Variants in MAP3K4 observed in about 807,000 individuals in gnomAD.
MAP3K4 encodes the protein mitogen-activated protein kinase kinase kinase 4, also known as MAP three kinase 1.
A neutral mutation model predicts 185.6 loss-of-function variants in MAP3K4; 67 were observed. The observed-to-expected ratio is 0.36, with a 90% CI of 0.30 to 0.44. The LOEUF (loss-of-function observed/expected upper bound fraction) is 0.44, where lower values mean the gene tolerates loss of function less well. MAP3K4 is among the 20% of genes least tolerant of loss of function. MAP3K4 has a pLI of 1.00. For synonymous variants in MAP3K4, 702 were observed against 710.4 expected (o/e 0.99, Z 0.19); for missense variants, 1,551 against 1,995.1 (o/e 0.78, Z 4.24).
rs779114335 is a variant in MAP3K4 at position 161,087,814 on chromosome 6, G to A, written c.2683G>A (p.Val895Ile). Residue 895 changes from valine to isoleucine, a missense_variant, in exon 10 of 27, where the codon GTA (valine) becomes ATA (isoleucine). Val to Ile is a conservative substitution (Grantham distance 29). Transcript: ENST00000392142. This position sits in a 1 kb window ranked among gnomAD's most constrained non-coding sequence, Gnocchi z 4.9. ...GKDCSKDSDD[V>I]LIDAYLLLTK... Reference sequence around the variant, plus strand: ...GGACTGTTCAAAAGATTCAGATGACGTACTCATCGATGCCTATCTGCTTCT... The same window carrying A: ...GGACTGTTCAAAAGATTCAGATGACATACTCATCGATGCCTATCTGCTTCT... 96 of 1,614,012 alleles carry A rather than the reference G, an allele frequency of 5.9e-5. No homozygotes were observed. Among genetic ancestry groups the A allele is most frequent in the African/African-American group, 8.0e-5 (6 of 74,908 alleles).
At position 161,101,351 on chromosome 6, in the gene MAP3K4, T is replaced by C. The variant is rs1777831724; in HGVS notation, c.3675-541T>C. On this transcript the variant is annotated intron_variant, in intron 17 of 26. Coordinates refer to ENST00000392142, the MANE Select transcript of MAP3K4 (RefSeq NM_005922.4). The surrounding 1 kb of genome is among the most constrained non-coding windows in gnomAD (Gnocchi z 5.1). ...TCTTACTGAGAGATTTGGAATCTTT[T>C]GGACCATGAAATGATTTTAGTACTT... 1 of 152,204 alleles carries C rather than the reference T, an allele frequency of 6.6e-6. No homozygotes were observed. The highest frequency in any genetic ancestry group is 1.5e-5 in the Non-Finnish European group (1 of 68,038). 9.4% of individuals were successfully genotyped at this position (152,204 alleles called of 1,614,324 possible).
rs1785606003 is a variant in MAP3K4, at chr6:161,084,566, G to C, written c.2321G>C (p.Cys774Ser). The change falls in exon 7 of 27, where the codon TGT becomes TCT. Residue 774 changes from cysteine (C) to serine (S), a missense_variant. Coordinates refer to ENST00000392142, the MANE Select transcript of MAP3K4 (RefSeq NM_005922.4). The surrounding 1 kb of genome is among the most constrained non-coding windows in gnomAD (Gnocchi z 4.6). ...TTAGAATTTGGCTTACAGGAGAGCT[G>C]TGCTGAATTTTGGACTAGTGCGGAT... is the stretch of plus-strand genomic sequence containing the variant. ...SFLEFGLQES[C>S]AEFWTSADDS... 6.2e-7 allele frequency: 1 copy of C among 1,613,382 alleles called. No homozygotes were observed. The highest frequency in any genetic ancestry group is 8.5e-7 in the Non-Finnish European group (1 of 1,179,338).
At chr6:161,024,733 T>C (rs1782561458) in intron 1 of MAP3K4, among the ~76,000 whole-genome samples, 1 of 152,216 alleles carries the variant, frequency 6.6e-6, no homozygotes, top group African/African-American at 2.4e-5. Flanking sequence ...CAACATGGCT[T>C]ACCACTGATA....
chr6:161,106,790 G>C lies in MAP3K4; in HGVS notation c.4048+85G>C. On this transcript the variant is annotated intron_variant, in intron 20 of 26. Coordinates refer to ENST00000392142, the MANE Select transcript of MAP3K4 (RefSeq NM_005922.4). The surrounding 1 kb of genome is among the most constrained non-coding windows in gnomAD (Gnocchi z 4.9). ...ACTTCTTTAGGTTGAATCCTATAGA[G>C]TTGGCCCTTTTTTCTTGTAGACATA... 2 of 1,127,102 alleles carry C rather than the reference G, an allele frequency of 1.8e-6. No individual in the cohort carries two copies. The highest frequency in any genetic ancestry group is 2.4e-6 in the Non-Finnish European group (2 of 817,426). The allele number at this position is 1,127,102 out of a possible 1,614,324, so 69.8% of individuals were successfully genotyped here.
intron 13 of MAP3K4, 23 bp from the exon 14 acceptor site, chr6:161,092,955 T>G (rs767019723): frequency 1.3e-6 from 2 of 1,489,804 alleles, no homozygotes; most frequent in African/African-American, 2.8e-5. Flanking sequence ...GTTATGTGAT[T>G]ACTGAACTTT....
In MAP3K4 at chr6:161,080,347, C is replaced by T. The variant is rs918201380; in HGVS notation, c.2098-534C>T. Among the ~76,000 whole-genome samples, 3 of 152,154 alleles carry T rather than the reference C, an allele frequency of 2.0e-5. No individual in the cohort carries two copies. The highest frequency in any genetic ancestry group is 2.0e-4 in the Admixed American group (3 of 15,270). ...TAGGACTTGTGGTGGGCATAAATCCCACTTCAGAACAACTGGATATTTTGG... is the reference window on the plus strand; with the variant it reads ...TAGGACTTGTGGTGGGCATAAATCCTACTTCAGAACAACTGGATATTTTGG... On this transcript the variant is annotated intron_variant, in intron 5 of 26. Transcript: ENST00000392142. This position sits in a 1 kb window ranked among gnomAD's most constrained non-coding sequence, Gnocchi z 4.8.
chr6:161,027,305 T>C (rs917232888), intron 1 of MAP3K4, among the ~76,000 whole-genome samples: 1 of 152,254 alleles, frequency 6.6e-6, no homozygotes, highest in African/African-American at 2.4e-5. Flanking sequence ...CTTTACTTTT[T>C]AATTGTGATT....
chr6:160,993,735 T>TAA (rs11291500), intron 1 of MAP3K4, among the ~76,000 whole-genome samples: 85 of 148,252 alleles, frequency 5.7e-4, no homozygotes, highest in African/African-American at 1.5e-3. Context: ...GCTTCAGTGG[T>TAA]AAAAAAAAAA....
rs1784946376 is a variant in MAP3K4 at position 161,071,578 on chromosome 6, G to A, written c.1950+728G>A. 6.6e-6 allele frequency among the ~76,000 whole-genome samples: 1 copy of A among 152,156 alleles called. No individual in the cohort carries two copies. Among genetic ancestry groups the A allele is most frequent in the Non-Finnish European group, 1.5e-5 (1 of 68,028 alleles). ...CTGTGAATGGTAAGACAAAGCATAG[G>A]TGAGCAGTGCAGATTGAGGAAAGGC... is the stretch of plus-strand genomic sequence containing the variant. On this transcript the variant is annotated intron_variant, in intron 4 of 26. Transcript: ENST00000392142. This position sits in a 1 kb window ranked among gnomAD's most constrained non-coding sequence, Gnocchi z 4.6.
At chr6:160,993,704 T>C (rs1332185619) in intron 1 of MAP3K4, among the ~76,000 whole-genome samples, 1 of 149,698 alleles carries the variant, frequency 6.7e-6, no homozygotes, top group Non-Finnish European at 1.5e-5. Context: ...GAAATGAAAA[T>C]GTGCTGCAAA....
chr6:161,086,555 A>C lies in MAP3K4; in HGVS notation c.2473-29A>C, dbSNP rs1785722019. ...TCTTATTTTTTTAATGCTAACCGTA[A>C]AGAAGTTTCTTTGTAACTGTGATCC... On this transcript the variant is annotated intron_variant, in intron 8 of 26. Transcript: ENST00000392142. This position sits in a 1 kb window ranked among gnomAD's most constrained non-coding sequence, Gnocchi z 4.8. The C allele has an allele frequency of 6.2e-7, 1 of 1,608,222 alleles. No homozygotes were observed. Among genetic ancestry groups the C allele is most frequent in the Non-Finnish European group, 8.5e-7 (1 of 1,176,866 alleles).
Position 161,093,078 on chromosome 6 carries a change from T to A in MAP3K4, c.3348+22T>A. On this transcript the variant is annotated intron_variant, in intron 14 of 26. Transcript: ENST00000392142. The surrounding 1 kb of genome is among the most constrained non-coding windows in gnomAD (Gnocchi z 5.2). Reference sequence around the variant, plus strand: ...CTTGGTATGGATTATTCTAAAGTTTTTTTCATTATAAAATAAGCCAGTCAC... The same window carrying A: ...CTTGGTATGGATTATTCTAAAGTTTATTTCATTATAAAATAAGCCAGTCAC... 6.5e-7 allele frequency: 1 copy of A among 1,540,484 alleles called. No individual in the cohort carries two copies. The highest frequency in any genetic ancestry group is 8.9e-7 in the Non-Finnish European group (1 of 1,118,298).
rs771030778 is a variant in MAP3K4, at chr6:161,048,212, C to A, written c.344-404C>A. On this transcript the variant is annotated intron_variant, in intron 2 of 26. Coordinates refer to ENST00000392142, the MANE Select transcript of MAP3K4 (RefSeq NM_005922.4). This position sits in a 1 kb window ranked among gnomAD's most constrained non-coding sequence, Gnocchi z 4.7. ...TTAAGTTTACACATTTAGCTAATGACAAATGCAGGAATTAAATATATTTTC... is the reference window on the plus strand; with the variant it reads ...TTAAGTTTACACATTTAGCTAATGAAAAATGCAGGAATTAAATATATTTTC... The A allele has an allele frequency of 3.8e-6, 2 of 530,564 alleles. No homozygotes were observed. The highest frequency in any genetic ancestry group is 7.7e-6 in the Non-Finnish European group (2 of 259,978). The allele number at this position is 530,564 out of a possible 1,614,324, so 32.9% of individuals were successfully genotyped here.
At chr6:161,052,145 C>T (rs576274549) in intron 3 of MAP3K4, among the ~76,000 whole-genome samples, 6 of 152,170 alleles carry the variant, frequency 3.9e-5, no homozygotes, top group African/African-American at 9.6e-5. Context: ...GTCGGGCTTC[C>T]GTAAACTGCT....
In MAP3K4 at chr6:161,074,399, T is replaced by C. The variant is rs1256051517; in HGVS notation, c.2097+787T>C. On this transcript the variant is annotated intron_variant, in intron 5 of 26. Coordinates refer to ENST00000392142, the MANE Select transcript of MAP3K4 (RefSeq NM_005922.4). This position sits in a 1 kb window ranked among gnomAD's most constrained non-coding sequence, Gnocchi z 5.0. ...GTTAGAAATGCCCCCTCCTCCACTT[T>C]ATCTGCCTATTTAAGGCTTACTTTC... 6.6e-6 allele frequency among the ~76,000 whole-genome samples: 1 copy of C among 152,234 alleles called. No individual in the cohort carries two copies. Among genetic ancestry groups the C allele is most frequent in the East Asian group, 1.9e-4 (1 of 5,202 alleles).
At chr6:161,002,249 T>A (rs1781357026) in intron 1 of MAP3K4, among the ~76,000 whole-genome samples, 1 of 152,140 alleles carries the variant, frequency 6.6e-6, no homozygotes, top group African/African-American at 2.4e-5. Flanking sequence ...GCTGTCTTTT[T>A]CTGTGGAAAT....
At chr6:161,009,238 C>T (rs569932894) in intron 1 of MAP3K4, among the ~76,000 whole-genome samples, 124 of 152,302 alleles carry the variant, frequency 8.1e-4, no homozygotes, top group African/African-American at 2.9e-3. Context: ...CCCGCCTCGG[C>T]CTCCCAAAGT....
At position 161,001,524 on chromosome 6, in the gene MAP3K4, T is replaced by C. The variant is rs560958453; in HGVS notation, c.152+9441T>C. Among the ~76,000 whole-genome samples, 3 of 152,298 alleles carry C rather than the reference T, an allele frequency of 2.0e-5. No individual in the cohort carries two copies. In the South Asian group the frequency reaches 6.2e-4, roughly 32 times the overall value. ...CAGTTTGCCACCATTTGTAATTATATATTTGTGTACATATTTGTTTATTAT... is the reference window on the plus strand; with the variant it reads ...CAGTTTGCCACCATTTGTAATTATACATTTGTGTACATATTTGTTTATTAT... On this transcript the variant is annotated intron_variant, in intron 1 of 26. Coordinates refer to ENST00000392142, the MANE Select transcript of MAP3K4 (RefSeq NM_005922.4).
intron 1 of MAP3K4, among the ~76,000 whole-genome samples, chr6:161,024,367 C>T (rs187841228): frequency 1.5e-4 from 23 of 152,236 alleles, no homozygotes; most frequent in Non-Finnish European, 2.8e-4. Flanking sequence ...TTTTATATAA[C>T]TTCATATATT....
Sources: allele counts gnomAD v4.1 joint callset (sites outside exome capture counted in the v4.1 genomes callset), GRCh38; gene constraint gnomAD v4.1.1; non-coding constraint Gnocchi (gnomAD v3.1); transcripts MANE v1.5; gene names NCBI Gene and HGNC (gene_info 2026-07-23, HGNC 2026-07-21).